Variants in SH3PXD2B observed in about 807,000 individuals in gnomAD.
SH3PXD2B encodes SH3 and PX domain-containing protein 2B.
In SH3PXD2B, 37 loss-of-function variants were observed where a neutral mutation model predicts 73.1. The observed-to-expected ratio is 0.51, with a 90% CI of 0.39 to 0.67. The LOEUF (loss-of-function observed/expected upper bound fraction) is 0.67. Ranked by LOEUF, SH3PXD2B falls within the 30% of genes least tolerant of loss-of-function variation. The pLI, the probability that SH3PXD2B is intolerant of heterozygous loss-of-function variation, is 0.00. For synonymous variants in SH3PXD2B, 457 were observed against 480.5 expected (o/e 0.95, Z 0.64); for missense variants, 1,053 against 1,197.8 (o/e 0.88, Z 1.78).
At chr5:172,442,351 T>C (rs1759567521) in intron 1 of SH3PXD2B, among the ~76,000 whole-genome samples, 1 of 152,242 alleles carries the variant, frequency 6.6e-6, no homozygotes, top group South Asian at 2.1e-4. Context: ...GATCACACTA[T>C]ATATATGATT....
intron 3 of SH3PXD2B, among the ~76,000 whole-genome samples, chr5:172,398,321 T>G (rs548095280): frequency 2.0e-5 from 3 of 152,352 alleles, no homozygotes; most frequent in African/African-American, 7.2e-5. Context: ...AAATTTGCTT[T>G]TACTGTACCA....
chr5:172,453,352 G>A (rs1196518927), intron 1 of SH3PXD2B, among the ~76,000 whole-genome samples: 1 of 152,082 alleles, frequency 6.6e-6, no homozygotes, highest in African/African-American at 2.4e-5. Flanking sequence ...CCCTCCCCAA[G>A]GCCTCATGTG....
chr5:172,375,359 CA>C (rs548435488), intron 5 of SH3PXD2B, among the ~76,000 whole-genome samples: 70 of 152,088 alleles, frequency 4.6e-4, no homozygotes, highest in Non-Finnish European at 9.4e-4. Context: ...GACTCTGTCT[CA>C]AAAACAAAAC....
At chr5:172,429,733 C>G (rs1759188024) in intron 1 of SH3PXD2B, among the ~76,000 whole-genome samples, 1 of 152,186 alleles carries the variant, frequency 6.6e-6, no homozygotes, top group African/African-American at 2.4e-5. Context: ...GCTAACACTT[C>G]CCATGTTTTC....
chr5:172,365,712 T>C (rs567378365), intron 6 of SH3PXD2B, among the ~76,000 whole-genome samples: 2 of 152,318 alleles, frequency 1.3e-5, no homozygotes, highest in East Asian at 1.9e-4. Flanking sequence ...GCTGGCCCCA[T>C]TAACAATGAG....
At chr5:172,329,701 C>A (rs989578919), downstream of SH3PXD2B, among the ~76,000 whole-genome samples, 15 of 152,120 alleles carry the variant, frequency 9.9e-5, no homozygotes, top group African/African-American at 3.4e-4. Context: ...CCACGCCCGG[C>A]TAATTTTTTG....
chr5:172,363,729 G>A (rs553479149), intron 6 of SH3PXD2B, among the ~76,000 whole-genome samples: 1 of 152,298 alleles, frequency 6.6e-6, no homozygotes, highest in African/African-American at 2.4e-5. Flanking sequence ...GAAGTGCATG[G>A]AAAGAGTGGT....
rs1480683601 is a variant in SH3PXD2B at position 172,434,225 on chromosome 5, T to C, written c.76-11729A>G. On this transcript the variant is annotated intron_variant, in intron 1 of 12. Transcript: ENST00000311601. ...CCTCTATGCATGCAACAAAATATCA[T>C]AAATGTCCCATGAAAATGGACAAAT... Among the ~76,000 whole-genome samples, 6 of 152,102 alleles carry C rather than the reference T, an allele frequency of 3.9e-5. No individual in the cohort carries two copies. The East Asian group carries it at 1.2e-3, about 29-fold the overall frequency.
chr5:172,343,856 T>TAA (rs1756916498), intron 12 of SH3PXD2B, among the ~76,000 whole-genome samples: 1 of 151,822 alleles, frequency 6.6e-6, no homozygotes, highest in Non-Finnish European at 1.5e-5. Flanking sequence ...GAGTGTGGGC[T>TAA]TTAAAACCAG....
At chr5:172,341,089 T>C (rs1049262298) in intron 12 of SH3PXD2B, among the ~76,000 whole-genome samples, 1 of 152,212 alleles carries the variant, frequency 6.6e-6, no homozygotes, top group Non-Finnish European at 1.5e-5. Flanking sequence ...TCTCTGTCTC[T>C]TTTTTGTCCA....
rs140824673 is a variant in SH3PXD2B at position 172,373,211 on chromosome 5, C to T, written c.427+579G>A. On this transcript the variant is annotated intron_variant, in intron 6 of 12. Transcript: ENST00000311601. Reference sequence around the variant, plus strand: ...CGCCAAGGATGTCAAATGGACATGGCCCAAATCTACCGCACATTCCTGCTT... The same window carrying T: ...CGCCAAGGATGTCAAATGGACATGGTCCAAATCTACCGCACATTCCTGCTT... Among the ~76,000 whole-genome samples the T allele has an allele frequency of 2.7e-3, 405 of 152,290 alleles. 3 individuals carry two copies. The highest frequency in any genetic ancestry group is 9.2e-3 in the African/African-American group (382 of 41,546).
At position 172,338,210 on chromosome 5, in the gene SH3PXD2B, C is replaced by A; in HGVS notation, c.*159G>T. On this transcript the variant is annotated 3_prime_UTR_variant, in exon 13 of 13. Coordinates refer to ENST00000311601, the MANE Select transcript of SH3PXD2B (RefSeq NM_001017995.3). This position sits in a 1 kb window ranked among gnomAD's most constrained non-coding sequence, Gnocchi z 5.1. ...TCAGGCCCAGGGGCGCCCGAGGTGT[C>A]CGAAACTCACTCTCCACCCATGGGA... is the stretch of plus-strand genomic sequence containing the variant. 1 of 1,524,260 alleles carries A rather than the reference C, an allele frequency of 6.6e-7. No individual in the cohort carries two copies. The highest frequency in any genetic ancestry group is 1.3e-5 in the South Asian group (1 of 78,674). The allele number at this position is 1,524,260 out of a possible 1,614,324, so 94.4% of individuals were successfully genotyped here.
intron 5 of SH3PXD2B, among the ~76,000 whole-genome samples, chr5:172,381,165 G>A (rs1197067513): frequency 6.6e-6 from 1 of 152,242 alleles, no homozygotes; most frequent in Non-Finnish European, 1.5e-5. Context: ...CTCAGCCTTG[G>A]TTACGGCTGC....
chr5:172,355,669 C>T (rs1484328725), intron 8 of SH3PXD2B, among the ~76,000 whole-genome samples: 1 of 152,040 alleles, frequency 6.6e-6, no homozygotes, highest in East Asian at 1.9e-4. Context: ...CTCAGCCTCC[C>T]GAGTAGCTGG....
intron 1 of SH3PXD2B, among the ~76,000 whole-genome samples, chr5:172,452,046 A>G (rs1027024904): frequency 2.4e-4 from 36 of 152,322 alleles, no homozygotes; most frequent in African/African-American, 7.7e-4. Flanking sequence ...CATGTTCCCA[A>G]TCAGTGACAA....
rs993937418 is a variant in SH3PXD2B at position 172,338,646 on chromosome 5, C to T, written c.2459G>A (p.Gly820Asp). 4.3e-6 allele frequency: 7 copies of T among 1,614,072 alleles called. No homozygotes were observed. The highest frequency in any genetic ancestry group is 1.3e-5 in the African/African-American group (1 of 74,944). Residue 820 changes from glycine to aspartate, a missense_variant, in exon 13 of 13, where the codon GGC becomes GAC. By Grantham distance (94) the Gly-to-Asp change is moderately conservative. Transcript: ENST00000311601. The surrounding 1 kb of genome is among the most constrained non-coding windows in gnomAD (Gnocchi z 5.1). ...CCCCCATGGCCCCAGGCTGCCTTTGCCTCGCGTGTCATCCTGGCCCCCCAA... is the reference window on the plus strand; with the variant it reads ...CCCCCATGGCCCCAGGCTGCCTTTGTCTCGCGTGTCATCCTGGCCCCCCAA... Reference protein sequence around the residue: ...NSLGGQDDTRGKGSLGPWGTG... With the variant: ...NSLGGQDDTRDKGSLGPWGTG...
intron 1 of SH3PXD2B, among the ~76,000 whole-genome samples, chr5:172,446,137 G>A (rs1207396397): frequency 2.0e-5 from 3 of 152,094 alleles, no homozygotes; most frequent in East Asian, 1.9e-4. Flanking sequence ...ACAGAGCCTC[G>A]GCTTCTGGGC....
intron 9 of SH3PXD2B, among the ~76,000 whole-genome samples, chr5:172,351,455 A>AG (rs1757157142): frequency 6.6e-6 from 1 of 152,158 alleles, no homozygotes; most frequent in Non-Finnish European, 1.5e-5. Context: ...CAATGACCAG[A>AG]GGGGCCAATC....
intron 1 of SH3PXD2B, among the ~76,000 whole-genome samples, chr5:172,439,675 CGT>C (rs1173840184): frequency 1.4e-3 from 158 of 112,680 alleles, no homozygotes; most frequent in African/African-American, 2.3e-3. Context: ...TGTGTGCGTG[CGT>C]GCGCGCACGC....
Sources: allele counts gnomAD v4.1 joint callset (sites outside exome capture counted in the v4.1 genomes callset), GRCh38; gene constraint gnomAD v4.1.1; non-coding constraint Gnocchi (gnomAD v3.1); transcripts MANE v1.5; gene names NCBI Gene and HGNC (gene_info 2026-07-23, HGNC 2026-07-21).